PEF1: variants seen among roughly 807,000 people sequenced by gnomAD.
PEF1 encodes penta-EF-hand domain containing 1, also known as peflin.
Under a neutral mutation model 32.0 loss-of-function variants are expected in PEF1, and 17 were observed. That is an observed-to-expected ratio of 0.53 (90% CI 0.36 to 0.80). PEF1 has a LOEUF of 0.80. Ranked by LOEUF, PEF1 falls within the 30% of genes least tolerant of loss-of-function variation. The pLI, the probability that PEF1 is intolerant of heterozygous loss-of-function variation, is 0.00. For synonymous variants in PEF1, 130 were observed against 139.8 expected (o/e 0.93, Z 0.50); for missense variants, 362 against 369.1 (o/e 0.98, Z 0.16).
intron 1 of PEF1, among the ~76,000 whole-genome samples, chr1:31,641,619 C>T (rs996774482): frequency 3.3e-5 from 5 of 152,206 alleles, no homozygotes; most frequent in Non-Finnish European, 7.3e-5. Context: ...GGGCTTTGTG[C>T]AGCTATTTCC....
At chr1:31,632,711 T>A in intron 3 of PEF1, 73 bp from the exon 4 acceptor site, 1 of 1,525,642 alleles carries the variant, frequency 6.6e-7, no homozygotes, top group African/African-American at 1.4e-5. Flanking sequence ...CAGGACCCAT[T>A]GAGGCAGCCC....
In PEF1 at chr1:31,630,742, G is replaced by C; in HGVS notation, c.726C>G (p.Arg242=). The C allele has an allele frequency of 6.2e-7, 1 of 1,614,192 alleles. No individual in the cohort carries two copies. Among genetic ancestry groups the C allele is most frequent in the Non-Finnish European group, 8.5e-7 (1 of 1,180,032 alleles). Reference sequence around the variant, plus strand: ...GCAGCTGGGTGCACACCTGGATGAAGCGGTCAAGCTGCATGGCAGGATTGG... The same window carrying C: ...GCAGCTGGGTGCACACCTGGATGAACCGGTCAAGCTGCATGGCAGGATTGG... ...RSANPAMQLD[R]FIQVCTQLQV... is the part of the protein sequence containing the mutation. The change falls in exon 5 of 5, where the codon CGC becomes CGG. Residue 242 remains arginine, a synonymous_variant. Coordinates refer to ENST00000373703, the MANE Select transcript of PEF1 (RefSeq NM_012392.4).
At chr1:31,634,224 G>A (rs1043946892) in intron 2 of PEF1, among the ~76,000 whole-genome samples, 3 of 152,192 alleles carry the variant, frequency 2.0e-5, no homozygotes, top group Admixed American at 2.0e-4. Flanking sequence ...GTGTCATAGG[G>A]GAGCAAGGGC....
intron 3 of PEF1, 48 bp downstream of exon 3, chr1:31,633,111 C>A: frequency 6.3e-7 from 1 of 1,575,868 alleles, no homozygotes; most frequent in East Asian, 2.2e-5. Flanking sequence ...TGTCCACTAT[C>A]AGGTGGCTCT....
Position 31,633,325 on chromosome 1 carries a change from G to C in PEF1, c.326-11C>G. ...TGGGAGGGGCGCCACCTGGAGGAAG[G>C]GGTGTGAAGGCCATCAACAGAAATG... On this transcript the variant is annotated splice_polypyrimidine_tract_variant and intron_variant, in intron 2 of 4. Coordinates refer to ENST00000373703, the MANE Select transcript of PEF1 (RefSeq NM_012392.4). The C allele has an allele frequency of 6.2e-7, 1 of 1,604,548 alleles. No individual in the cohort carries two copies. Among genetic ancestry groups the C allele is most frequent in the South Asian group, 1.1e-5 (1 of 90,312 alleles).
chr1:31,644,509 G>A, intron 1 of PEF1: 1 of 1,319,004 alleles, frequency 7.6e-7, no homozygotes, highest in Non-Finnish European at 9.7e-7. Flanking sequence ...CTCCGGTCAT[G>A]GCTGATGCCC....
At position 31,633,320 on chromosome 1, in the gene PEF1, G is replaced by A; in HGVS notation, c.326-6C>T. 1.9e-6 allele frequency: 3 copies of A among 1,609,290 alleles called. No individual in the cohort carries two copies. The highest frequency in any genetic ancestry group is 2.2e-5 in the South Asian group (2 of 90,682). On this transcript the variant is annotated splice_region_variant and splice_polypyrimidine_tract_variant and intron_variant, in intron 2 of 4. Coordinates refer to ENST00000373703, the MANE Select transcript of PEF1 (RefSeq NM_012392.4). The stretch of plus-strand genomic sequence containing the variant: ...CACATTGGGAGGGGCGCCACCTGGA[G>A]GAAGGGGTGTGAAGGCCATCAACAG...
intron 1 of PEF1, 189 bp downstream of exon 1, chr1:31,644,652 G>A (rs1640503675): frequency 2.1e-6 from 3 of 1,444,340 alleles, no homozygotes; most frequent in Non-Finnish European, 2.7e-6. Context: ...CCTCGCGAAT[G>A]TGCGGTCCTT....
chr1:31,630,854 G>A lies in PEF1; in HGVS notation c.626-12C>T, dbSNP rs1640080525. 1.9e-6 allele frequency: 3 copies of A among 1,592,584 alleles called. No homozygotes were observed. Among genetic ancestry groups the A allele is most frequent in the African/African-American group, 1.3e-5 (1 of 74,726 alleles). On this transcript the variant is annotated splice_polypyrimidine_tract_variant and intron_variant, in intron 4 of 4. Transcript: ENST00000373703. Reference sequence around the variant, plus strand: ...CATTTGGGACAGAGCTGGAGAAGAGGGGCACACAGACCAGACACACAAAAA... The same window carrying A: ...CATTTGGGACAGAGCTGGAGAAGAGAGGCACACAGACCAGACACACAAAAA...
At chr1:31,642,257 T>A (rs974769587) in intron 1 of PEF1, among the ~76,000 whole-genome samples, 8 of 151,922 alleles carry the variant, frequency 5.3e-5, no homozygotes, top group South Asian at 2.1e-4. Context: ...AAATAAAAAA[T>A]TTTTTTCAAA....
Position 31,632,874 on chromosome 1 carries a change from T to C in PEF1, c.482-236A>G, listed in dbSNP as rs1003711839. On this transcript the variant is annotated intron_variant, in intron 3 of 4. Coordinates refer to ENST00000373703, the MANE Select transcript of PEF1 (RefSeq NM_012392.4). The stretch of plus-strand genomic sequence containing the variant: ...CAGAACTGCATTTTCTCTGCAGGCT[T>C]GGCACCTGACCCCTCCCTGCTGTTT... Among the ~76,000 whole-genome samples the C allele has an allele frequency of 2.0e-5, 3 of 152,318 alleles. No individual in the cohort carries two copies. The East Asian group carries it at 5.8e-4, about 29-fold the overall frequency.
chr1:31,630,569 C>A lies in PEF1; in HGVS notation c.*44G>T, dbSNP rs751336341. On this transcript the variant is annotated 3_prime_UTR_variant, in exon 5 of 5. Coordinates refer to ENST00000373703, the MANE Select transcript of PEF1 (RefSeq NM_012392.4). ...ACATACTTCTCTCACTCTAAGAAGCCAGGAAAGGTCCCTGGTGCACTCCAC... is the reference window on the plus strand; with the variant it reads ...ACATACTTCTCTCACTCTAAGAAGCAAGGAAAGGTCCCTGGTGCACTCCAC... The A allele has an allele frequency of 3.9e-5, 61 of 1,569,928 alleles. 1 individual carries two copies. Among genetic ancestry groups the A allele is most frequent in the Middle Eastern group, 2.3e-4 (1 of 4,392 alleles).
At chr1:31,635,101 G>T in intron 2 of PEF1, 121 bp downstream of exon 2, 1 of 1,239,238 alleles carries the variant, frequency 8.1e-7, no homozygotes, top group Non-Finnish European at 1.2e-6. Flanking sequence ...ACTGAAGCTG[G>T]AAGCAAGATG....
At chr1:31,636,669 C>T (rs1484820941) in intron 1 of PEF1, among the ~76,000 whole-genome samples, 1 of 152,168 alleles carries the variant, frequency 6.6e-6, no homozygotes, top group East Asian at 1.9e-4. Flanking sequence ...GACATTGGGC[C>T]TGACACAAAT....
intron 4 of PEF1, 93 bp downstream of exon 4, chr1:31,632,402 G>A (rs570186314): frequency 6.9e-6 from 11 of 1,588,380 alleles, no homozygotes; most frequent in African/African-American, 1.3e-5. Context: ...GTGGACATTC[G>A]GTAACAAGAG....
rs1174751722 is a variant in PEF1 at position 31,633,259 on chromosome 1, G to A, written c.381C>T (p.Asp127=). Residue 127 remains aspartate, a synonymous_variant, in exon 3 of 5, where the codon GAC becomes GAT. Coordinates refer to ENST00000373703, the MANE Select transcript of PEF1 (RefSeq NM_012392.4). ...TGGAGATATAGCCACTGTGATCTGA[G>A]TCCACCGACTGGAACCAGGAGTAGG... ...PEAYSWFQSV[D]SDHSGYISMK... is the part of the protein sequence containing the mutation. The A allele has an allele frequency of 1.2e-6, 2 of 1,613,972 alleles. No homozygotes were observed. The highest frequency in any genetic ancestry group is 2.7e-5 in the African/African-American group (2 of 74,940).
rs193240919 is a variant in PEF1 at position 31,639,792 on chromosome 1, C to T, written c.25-4270G>A. On this transcript the variant is annotated intron_variant, in intron 1 of 4. Transcript: ENST00000373703. ...AGTGAGGAAAGTGTTCAGAATGACT[C>T]GGGTTTCTAGCTTTTGCACAAGATG... Among the ~76,000 whole-genome samples, 557 of 152,276 alleles carry T rather than the reference C, an allele frequency of 3.7e-3. 1 individual carries two copies. The highest frequency in any genetic ancestry group is 0.013 in the African/African-American group (537 of 41,556).
At chr1:31,644,469 A>T in intron 1 of PEF1, 1 of 1,194,682 alleles carries the variant, frequency 8.4e-7, no homozygotes, top group Non-Finnish European at 1.0e-6. Flanking sequence ...CGACGCCCCA[A>T]ATGAGATCGG....
intron 1 of PEF1, chr1:31,644,330 TAC>T (rs1171838955): frequency 5.1e-6 from 5 of 976,214 alleles, no homozygotes; most frequent in Non-Finnish European, 6.1e-6. Context: ...TTCACTTTTC[TAC>T]ACGCGAAATG....
Sources: allele counts gnomAD v4.1 joint callset (sites outside exome capture counted in the v4.1 genomes callset), GRCh38; gene constraint gnomAD v4.1.1; transcripts MANE v1.5; gene names NCBI Gene and HGNC (gene_info 2026-07-23, HGNC 2026-07-21).